OR2C1: variants seen among roughly 807,000 people sequenced by gnomAD.
The protein encoded by OR2C1 is olfactory receptor 2C1.
For missense variants in OR2C1, 468 were observed against 388.3 expected (o/e 1.21, Z -1.73); for synonymous variants, 209 against 167.3 (o/e 1.25, Z -1.92).
At position 3,356,151 on chromosome 16, in the gene OR2C1, C is replaced by G. The variant is rs2030665670; in HGVS notation, c.211C>G (p.Leu71Val). Reference protein sequence around the residue: ...FFLSNLSSLDLAFATSSVPQM... With the variant: ...FFLSNLSSLDVAFATSSVPQM... Reference sequence around the variant, plus strand: ...CCTCAGCAACCTCTCCTCCTTGGACCTTGCTTTCGCTACTAGTTCAGTCCC... The same window carrying G: ...CCTCAGCAACCTCTCCTCCTTGGACGTTGCTTTCGCTACTAGTTCAGTCCC... Residue 71 changes from leucine to valine, a missense_variant, in exon 1 of 1, where the codon CTT becomes GTT. Coordinates refer to ENST00000304936, the MANE Select transcript of OR2C1 (RefSeq NM_012368.3). The G allele has an allele frequency of 6.2e-7, 1 of 1,614,222 alleles. No homozygotes were observed. The highest frequency in any genetic ancestry group is 1.1e-5 in the South Asian group (1 of 91,076).
chr16:3,339,276 T>C, the OR2C1 span, among the ~76,000 whole-genome samples: 15 of 147,624 alleles, frequency 1.0e-4, no homozygotes, highest in South Asian at 3.1e-3. Context: ...GAACATTAGT[T>C]TTTTTTTTTT....
chr16:3,325,372 G>C, the OR2C1 span, among the ~76,000 whole-genome samples: 3 of 150,744 alleles, frequency 2.0e-5, no homozygotes, highest in African/African-American at 7.3e-5. Flanking sequence ...TCCTGCCTTG[G>C]CTTCCCAAAG....
In OR2C1 at chr16:3,356,132, C is replaced by G; in HGVS notation, c.192C>G (p.Ser64Arg). The change falls in exon 1 of 1, where the codon AGC becomes AGG. Residue 64 changes from serine to arginine, a missense_variant. Coordinates refer to ENST00000304936, the MANE Select transcript of OR2C1 (RefSeq NM_012368.3). ...RLHTPMYFFLSNLSSLDLAFA... is the reference protein window; with the variant it reads ...RLHTPMYFFLRNLSSLDLAFA... ...ATACACCCATGTACTTCTTCCTCAG[C>G]AACCTCTCCTCCTTGGACCTTGCTT... 1.1e-5 allele frequency: 18 copies of G among 1,614,216 alleles called. No individual in the cohort carries two copies. Among genetic ancestry groups the G allele is most frequent in the Non-Finnish European group, 1.4e-5 (17 of 1,180,040 alleles).
At position 3,356,233 on chromosome 16, in the gene OR2C1, T is replaced by A. The variant is rs1195174189; in HGVS notation, c.293T>A (p.Ile98Lys). 1 of 1,614,178 alleles carries A rather than the reference T, an allele frequency of 6.2e-7. No homozygotes were observed. The highest frequency in any genetic ancestry group is 1.7e-5 in the Admixed American group (1 of 60,024). Residue 98 changes from isoleucine to lysine, a missense_variant, in exon 1 of 1, where the codon ATA (isoleucine) becomes AAA (lysine). Transcript: ENST00000304936. Reference sequence around the variant, plus strand: ...AAGACCATCAGCTATGGTGGCTGCATAACCCAGCTCTATGTCTTCCTTTGG... The same window carrying A: ...AAGACCATCAGCTATGGTGGCTGCAAAACCCAGCTCTATGTCTTCCTTTGG... ...PGKTISYGGC[I>K]TQLYVFLWLG...
At chr16:3,353,500 A>C (rs1314243486), upstream of OR2C1, among the ~76,000 whole-genome samples, 2 of 144,238 alleles carry the variant, frequency 1.4e-5, no homozygotes, top group African/African-American at 5.4e-5. Context: ...AAAAAAAAAA[A>C]AAAAAAAAAG....
the OR2C1 span, among the ~76,000 whole-genome samples, chr16:3,346,348 C>T: frequency 6.6e-6 from 1 of 152,074 alleles, no homozygotes; most frequent in African/African-American, 2.4e-5. Context: ...GGTAACCAAC[C>T]TTAAAGGCAA....
chr16:3,356,799 C>T lies in OR2C1; in HGVS notation c.859C>T (p.Pro287Ser). Reference sequence around the variant, plus strand: ...CTCGTTGGTCACACCCATGGTGAATCCCCTCATCTACACGCTGCGGAACAT... The same window carrying T: ...CTCGTTGGTCACACCCATGGTGAATTCCCTCATCTACACGCTGCGGAACAT... ...FYSLVTPMVNPLIYTLRNMEV... is the reference protein window; with the variant it reads ...FYSLVTPMVNSLIYTLRNMEV... Residue 287 changes from proline to serine, a missense_variant, in exon 1 of 1, where the codon CCC becomes TCC. Physicochemically the swap from Pro to Ser is moderately conservative, Grantham distance 74. Coordinates refer to ENST00000304936, the MANE Select transcript of OR2C1 (RefSeq NM_012368.3). The T allele has an allele frequency of 6.3e-7, 1 of 1,595,678 alleles. No individual in the cohort carries two copies. Among genetic ancestry groups the T allele is most frequent in the Non-Finnish European group, 8.5e-7 (1 of 1,169,898 alleles).
At chr16:3,347,268 G>T in the OR2C1 span, among the ~76,000 whole-genome samples, 1 of 47,354 alleles carries the variant, frequency 2.1e-5, no homozygotes, top group South Asian at 7.9e-4. Flanking sequence ...AAAAAAAAAA[G>T]GAGCCAAGGA....
At chr16:3,352,933 A>T (rs1246671250), upstream of OR2C1, among the ~76,000 whole-genome samples, 1 of 150,760 alleles carries the variant, frequency 6.6e-6, no homozygotes, top group Non-Finnish European at 1.5e-5. Context: ...TAGTAGAGAC[A>T]TGTTTCACCA....
At chr16:3,351,517 T>G (rs1360946709), upstream of OR2C1, among the ~76,000 whole-genome samples, 1 of 152,174 alleles carries the variant, frequency 6.6e-6, no homozygotes, top group African/African-American at 2.4e-5. Flanking sequence ...ACTTCTCCCT[T>G]TAACTATTTC....
chr16:3,340,322 TTTTTG>T, the OR2C1 span, among the ~76,000 whole-genome samples: 1 of 152,242 alleles, frequency 6.6e-6, no homozygotes. Flanking sequence ...GTTGTTTGTC[TTTTTG>T]TTTTGAGTTG....
chr16:3,340,183 G>T, the OR2C1 span, among the ~76,000 whole-genome samples: 2 of 152,030 alleles, frequency 1.3e-5, no homozygotes, highest in African/African-American at 2.4e-5. Flanking sequence ...GGAGGCTGAG[G>T]TGGGAGAATT....
At chr16:3,327,584 A>G in the OR2C1 span, among the ~76,000 whole-genome samples, 2 of 151,250 alleles carry the variant, frequency 1.3e-5, no homozygotes, top group African/African-American at 4.9e-5. Context: ...ATGCCTCGTA[A>G]TGAGAGTGGT....
At chr16:3,345,781 CTTTT>C in the OR2C1 span, among the ~76,000 whole-genome samples, 1 of 149,548 alleles carries the variant, frequency 6.7e-6, no homozygotes, top group African/African-American at 2.5e-5. Flanking sequence ...CTCCCTCTTT[CTTTT>C]TTCTTTCTCT....
Position 3,356,288 on chromosome 16 carries a change from G to A in OR2C1, c.348G>A (p.Val116=). 1 of 1,613,694 alleles carries A rather than the reference G, an allele frequency of 6.2e-7. No homozygotes were observed. Among genetic ancestry groups the A allele is most frequent in the African/African-American group, 1.3e-5 (1 of 75,064 alleles). Residue 116 remains valine, a synonymous_variant, in exon 1 of 1, where the codon GTG becomes GTA. Coordinates refer to ENST00000304936, the MANE Select transcript of OR2C1 (RefSeq NM_012368.3). ...WLGATECILL[V]VMAFDRYVAV... ...GGGCCACCGAGTGCATCCTGCTGGT[G>A]GTGATGGCATTTGACCGCTACGTGG...
Position 3,356,990 on chromosome 16 carries a change from G to A in OR2C1, c.*111G>A. ...ACTAATTCCGGTAAAACCAAGGCAT[G>A]TTCCTGACAGCCCTAAGCTGACAGC... is the stretch of plus-strand genomic sequence containing the variant. On this transcript the variant is annotated 3_prime_UTR_variant, in exon 1 of 1. Coordinates refer to ENST00000304936, the MANE Select transcript of OR2C1 (RefSeq NM_012368.3). 4 of 929,516 alleles carry A rather than the reference G, an allele frequency of 4.3e-6. No homozygotes were observed. The highest frequency in any genetic ancestry group is 4.8e-6 in the Non-Finnish European group (3 of 622,528). The allele number at this position is 929,516 out of a possible 1,614,324, so 57.6% of individuals were successfully genotyped here. A position where few individuals can be genotyped will look rare whatever the true frequency, so the allele number is the denominator to read the frequency against.
upstream of OR2C1, among the ~76,000 whole-genome samples, chr16:3,352,575 T>G (rs1004701584): frequency 6.6e-6 from 1 of 152,110 alleles, no homozygotes; most frequent in African/African-American, 2.4e-5. Context: ...CATTCATCCT[T>G]AATTGACTTT....
the OR2C1 span, among the ~76,000 whole-genome samples, chr16:3,334,414 A>G: frequency 2.5e-4 from 38 of 151,142 alleles, no homozygotes; most frequent in Admixed American, 7.3e-4. Context: ...GGGATTACAG[A>G]CTTGAGTCAC....
the OR2C1 span, among the ~76,000 whole-genome samples, chr16:3,328,535 G>T: frequency 3.3e-5 from 5 of 152,248 alleles, no homozygotes; most frequent in African/African-American, 1.2e-4. Context: ...TGTGAGACAG[G>T]AAAAACAACC....
Sources: allele counts gnomAD v4.1 joint callset (sites outside exome capture counted in the v4.1 genomes callset), GRCh38; gene constraint gnomAD v4.1.1; transcripts MANE v1.5; gene names NCBI Gene and HGNC (gene_info 2026-07-23, HGNC 2026-07-21).